EIF4G1: variants seen among roughly 807,000 people sequenced by gnomAD.
EIF4G1 encodes EIF4-gamma.
In EIF4G1, 4 loss-of-function variants were observed where a neutral mutation model predicts 187.8. The observed-to-expected ratio is 0.02, with a 90% CI of 0.01 to 0.05. The LOEUF is 0.05. Among genes scored for constraint, EIF4G1 ranks in the 10% least tolerant of loss-of-function variants. The probability of loss-of-function intolerance (pLI) is 1.00; values close to 1 mark genes in which losing one functional copy is unlikely to be tolerated. For missense variants in EIF4G1, 1,647 were observed against 2,081.1 expected (o/e 0.79, Z 4.06); for synonymous variants, 844 against 781.4 (o/e 1.08, Z -1.34).
At chr3:184,328,398 A>C (rs917977445) in intron 26 of EIF4G1, 2 of 649,112 alleles carry the variant, frequency 3.1e-6, no homozygotes, top group East Asian at 2.8e-5. Flanking sequence ...TCAAAAAAAA[A>C]ACCAAAAAAC....
Position 184,326,887 on chromosome 3 carries a change from A to T in EIF4G1, c.3332A>T (p.Glu1111Val). Residue 1111 changes from glutamate to valine, a missense_variant, in exon 23 of 33, where the codon GAA (glutamate) becomes GTA (valine). Transcript: ENST00000346169. The part of the protein sequence containing the change: ...SGAKPSDAAS[E>V]AARPATSTLN... ...GGATTTTCTGCATCCCCAGCATCAG[A>T]AGCTGCTCGCCCAGCTACTAGTACT... 6.2e-7 allele frequency: 1 copy of T among 1,614,174 alleles called. No homozygotes were observed. The highest frequency in any genetic ancestry group is 8.5e-7 in the Non-Finnish European group (1 of 1,180,010).
chr3:184,316,215 C>T lies in EIF4G1; in HGVS notation c.144C>T (p.Arg48=). Reference sequence around the variant, plus strand: ...AAATGAACACGCCTTCTCAGCCCCGCCAGGTGAGGGGCTGTGGGGAGGGGA... The same window carrying T: ...AAATGAACACGCCTTCTCAGCCCCGTCAGGTGAGGGGCTGTGGGGAGGGGA... ...ATQMNTPSQP[R]QHFYPSRAQP... The change falls in exon 4 of 33, where the codon CGC becomes CGT. Residue 48 remains arginine, a synonymous_variant. Coordinates refer to ENST00000346169, the MANE Select transcript of EIF4G1 (RefSeq NM_198241.3). 6.2e-7 allele frequency: 1 copy of T among 1,614,054 alleles called. No homozygotes were observed. The highest frequency in any genetic ancestry group is 8.5e-7 in the Non-Finnish European group (1 of 1,180,000).
chr3:184,326,652 TG>T, intron 22 of EIF4G1, 23 bp downstream of exon 22: 2 of 1,606,226 alleles, frequency 1.2e-6, no homozygotes, highest in Non-Finnish European at 8.5e-7. Flanking sequence ...TGTCAGGAGC[TG>T]GGTGGTTACC....
Position 184,321,003 on chromosome 3 carries a change from C to A in EIF4G1, c.697+10C>A. 2 of 1,613,280 alleles carry A rather than the reference C, an allele frequency of 1.2e-6. No homozygotes were observed. Among genetic ancestry groups the A allele is most frequent in the Non-Finnish European group, 8.5e-7 (1 of 1,179,822 alleles). ...GTCATTGTCCGGCCAGGTAAGTAAGCCGGTGGGACGGAGCTTTTATGGGGA... is the reference window on the plus strand; with the variant it reads ...GTCATTGTCCGGCCAGGTAAGTAAGACGGTGGGACGGAGCTTTTATGGGGA... On this transcript the variant is annotated intron_variant, in intron 9 of 32. Transcript: ENST00000346169.
At chr3:184,327,026 C>T (rs370513009) in intron 23 of EIF4G1, 43 bp downstream of exon 23, 37 of 1,611,506 alleles carry the variant, frequency 2.3e-5, no homozygotes, top group African/African-American at 9.4e-5. Flanking sequence ...CTGGGGGTAC[C>T]GTGATTGGGT....
At chr3:184,319,027 T>C (rs1723293973) in intron 6 of EIF4G1, among the ~76,000 whole-genome samples, 1 of 151,576 alleles carries the variant, frequency 6.6e-6, no homozygotes, top group Non-Finnish European at 1.5e-5. Context: ...TGAACCAAGA[T>C]TGTGCCACTG....
At chr3:184,327,763 G>T (rs546068180) in intron 25 of EIF4G1, 59 bp downstream of exon 25, 2 of 1,613,632 alleles carry the variant, frequency 1.2e-6, no homozygotes, top group South Asian at 2.2e-5. Flanking sequence ...ATGCTGGCAG[G>T]CATAGGGGTC....
chr3:184,323,303 C>T lies in EIF4G1; in HGVS notation c.2088+62C>T. 1 of 1,612,064 alleles carries T rather than the reference C, an allele frequency of 6.2e-7. No homozygotes were observed. The highest frequency in any genetic ancestry group is 8.5e-7 in the Non-Finnish European group (1 of 1,178,498). On this transcript the variant is annotated intron_variant, in intron 14 of 32. Transcript: ENST00000346169. This position sits in a 1 kb window ranked among gnomAD's most constrained non-coding sequence, Gnocchi z 6.9. Reference sequence around the variant, plus strand: ...AGTGGGAGTGGATGATTCCGTGTCTCAGTGCCCGCGGGGAGGGGTTTGCCC... The same window carrying T: ...AGTGGGAGTGGATGATTCCGTGTCTTAGTGCCCGCGGGGAGGGGTTTGCCC...
At chr3:184,324,017 C>T (rs571784652) in intron 16 of EIF4G1, 40 bp downstream of exon 16, 15 of 1,611,244 alleles carry the variant, frequency 9.3e-6, no homozygotes, top group Non-Finnish European at 1.2e-5. Flanking sequence ...GGTCTGGTTG[C>T]CCATTCCTAT....
chr3:184,315,329 C>G, intron 1 of EIF4G1, 160 bp from the exon 2 acceptor site: 1 of 510,404 alleles, frequency 2.0e-6, no homozygotes, highest in South Asian at 1.4e-5. Flanking sequence ...GGGCCAGGCC[C>G]GAACCCGGTG....
At position 184,323,722 on chromosome 3, in the gene EIF4G1, C is replaced by T. The variant is rs1577216099; in HGVS notation, c.2275-58C>T. On this transcript the variant is annotated intron_variant, in intron 15 of 32. Transcript: ENST00000346169. This position sits in a 1 kb window ranked among gnomAD's most constrained non-coding sequence, Gnocchi z 6.9. ...CTAAGTCCCCACCACCCTCTCCTGT[C>T]CCTCCCAACAGCCTGTTCTGAGACC... The T allele has an allele frequency of 6.2e-7, 1 of 1,611,200 alleles. No individual in the cohort carries two copies. Among genetic ancestry groups the T allele is most frequent in the Non-Finnish European group, 8.5e-7 (1 of 1,178,936 alleles).
chr3:184,322,695 T>C lies in EIF4G1; in HGVS notation c.1760T>C (p.Ile587Thr). Residue 587 changes from isoleucine (I) to threonine (T), a missense_variant, in exon 12 of 33, where the codon ATC becomes ACC. By Grantham distance (89) the Ile-to-Thr change is moderately conservative. Around this residue, in one of 11 missense-constraint regions of EIF4G1, gnomAD observed 522 missense variants for 485.2 expected, o/e 1.08. Coordinates refer to ENST00000346169, the MANE Select transcript of EIF4G1 (RefSeq NM_198241.3). ...KEDKIHNAEN[I>T]QPGEQKYEYK... Reference sequence around the variant, plus strand: ...GACAAAATTCACAATGCTGAGAACATCCAGCCCGGGGAACAGAAGTATGAA... The same window carrying C: ...GACAAAATTCACAATGCTGAGAACACCCAGCCCGGGGAACAGAAGTATGAA... 4 of 1,614,130 alleles carry C rather than the reference T, an allele frequency of 2.5e-6. No individual in the cohort carries two copies. The highest frequency in any genetic ancestry group is 1.6e-4 in the Middle Eastern group (1 of 6,062).
intron 21 of EIF4G1, 143 bp from the exon 22 acceptor site, chr3:184,326,384 C>T (rs372842476): frequency 6.3e-6 from 5 of 791,208 alleles, no homozygotes; most frequent in Non-Finnish European, 6.5e-6. Flanking sequence ...TGAGTAGTTG[C>T]AATAGAGACT....
intron 7 of EIF4G1, chr3:184,320,370 G>C (rs1483526236): frequency 7.2e-7 from 1 of 1,381,218 alleles, no homozygotes; most frequent in African/African-American, 1.5e-5. Flanking sequence ...GACTGCTGGT[G>C]GGGTAGGGAT....
chr3:184,315,822 G>GCCCCCCCCCCCC lies in EIF4G1; in HGVS notation c.32_33insCCCCCCCCCCCC (p.Pro12_Ala13insProProProPro). 3.3e-5 allele frequency: 51 copies of GCCCCCCCCCCCC among 1,544,438 alleles called. No individual in the cohort carries two copies. Among genetic ancestry groups the GCCCCCCCCCCCC allele is most frequent in the Non-Finnish European group, 3.9e-5 (44 of 1,140,754 alleles). On this transcript the variant is annotated inframe_insertion, in exon 3 of 33. Coordinates refer to ENST00000346169, the MANE Select transcript of EIF4G1 (RefSeq NM_198241.3). Reference sequence around the variant, plus strand: ...ATGAACAAAGCTCCACAGTCCACAGGCCCCCCACCCGCCCCATCCCCCGGA... The same window carrying GCCCCCCCCCCCC: ...ATGAACAAAGCTCCACAGTCCACAGGCCCCCCCCCCCCCCCCCCACCCGCCCCATCCCCCGGA...
Position 184,322,204 on chromosome 3 carries a change from A to G in EIF4G1, c.1519+101A>G, listed in dbSNP as rs924079548. The stretch of plus-strand genomic sequence containing the variant: ...TTTTGACATGTTTCTGGGTCCCTGC[A>G]ATGGAATCTAAGAACTAGATTAAGG... On this transcript the variant is annotated intron_variant, in intron 10 of 32. Transcript: ENST00000346169. The G allele has an allele frequency of 6.3e-6, 10 of 1,580,864 alleles. No individual in the cohort carries two copies. The Admixed American group carries it at 1.0e-4, about 16-fold the overall frequency.
chr3:184,325,959 T>G lies in EIF4G1; in HGVS notation c.3222+8T>G. 6 of 1,613,324 alleles carry G rather than the reference T, an allele frequency of 3.7e-6. No individual in the cohort carries two copies. Among genetic ancestry groups the G allele is most frequent in the Non-Finnish European group, 5.1e-6 (6 of 1,179,642 alleles). ...CTCACCAAGATCACCAAGGTAGGGG[T>G]GTGTGTGGGAGTGGGTGATTCAGCT... On this transcript the variant is annotated splice_region_variant and intron_variant, in intron 21 of 32. Transcript: ENST00000346169. This position sits in a 1 kb window ranked among gnomAD's most constrained non-coding sequence, Gnocchi z 5.2.
chr3:184,322,185 CA>C (rs1560215268), intron 10 of EIF4G1, 82 bp downstream of exon 10: 6 of 1,602,944 alleles, frequency 3.7e-6, no homozygotes, highest in Non-Finnish European at 3.4e-6. Flanking sequence ...CCATTTTTGA[CA>C]TGTTTCTGGG....
intron 27 of EIF4G1, 75 bp downstream of exon 27, chr3:184,328,831 A>G: frequency 6.2e-7 from 1 of 1,613,966 alleles, no homozygotes; most frequent in South Asian, 1.1e-5. Context: ...TGGGTTGGAT[A>G]CCCTGGTTTG....
Sources: allele counts gnomAD v4.1 joint callset (sites outside exome capture counted in the v4.1 genomes callset), GRCh38; gene constraint gnomAD v4.1.1; regional missense constraint gnomAD v4.1.1; non-coding constraint Gnocchi (gnomAD v3.1); transcripts MANE v1.5; gene names NCBI Gene and HGNC (gene_info 2026-07-23, HGNC 2026-07-21).